ADGRG4: variants seen among roughly 807,000 people sequenced by gnomAD.
ADGRG4 encodes the protein adhesion G protein-coupled receptor G4, also known as G protein-coupled receptor 112.
Under a neutral mutation model 126.2 loss-of-function variants are expected in ADGRG4, and 122 were observed. That is an observed-to-expected ratio of 0.97 (90% confidence interval 0.83 to 1.12). The LOEUF (loss-of-function observed/expected upper bound fraction) is 1.12, where lower values mean the gene tolerates loss of function less well. ADGRG4 is among the 50% of genes most tolerant of loss of function. ADGRG4 has a pLI of 0.00. For missense variants in ADGRG4, 2,481 were observed against 2,251.8 expected, an observed-to-expected ratio of 1.10 and a Z score of -2.06; for synonymous variants, 943 against 838.7, an observed-to-expected ratio of 1.12 and a Z score of -2.15.
intron 15 of ADGRG4, among the ~76,000 whole-genome samples, chrX:136,384,973 G>A (rs1033263914): frequency 9.1e-6 from 1 of 109,776 alleles, no homozygotes. Flanking sequence ...TACTGAATTT[G>A]GGGAAATTTT....
At chrX:136,365,883 T>C (rs962273096) in intron 13 of ADGRG4, among the ~76,000 whole-genome samples, 1 of 112,076 alleles carries the variant, frequency 8.9e-6, no homozygotes, top group Non-Finnish European at 1.9e-5. Flanking sequence ...ATAGACTTTA[T>C]TTTTTAGAGC....
chrX:136,372,399 T>C (rs992668403), intron 14 of ADGRG4, among the ~76,000 whole-genome samples: 1 of 111,601 alleles, frequency 9.0e-6, no homozygotes, highest in African/African-American at 3.3e-5. Context: ...ACCTCCTAAA[T>C]GGTCTCTCTG....
At chrX:136,326,276 T>C (rs185001983) in intron 5 of ADGRG4, among the ~76,000 whole-genome samples, 2 of 112,245 alleles carry the variant, frequency 1.8e-5, no homozygotes, top group African/African-American at 6.5e-5. Flanking sequence ...CAGGGCAGAT[T>C]TTTTTTCAGA....
intron 6 of ADGRG4, 123 bp downstream of exon 6, chrX:136,350,556 T>C: frequency 4.6e-6 from 3 of 655,786 alleles, no homozygotes; most frequent in Non-Finnish European, 6.8e-6. Context: ...AGGTGTTTCT[T>C]GTCTCCTTCA....
At chrX:136,360,433 C>G (rs941686133) in intron 11 of ADGRG4, among the ~76,000 whole-genome samples, 1 of 111,225 alleles carries the variant, frequency 9.0e-6, no homozygotes, top group Admixed American at 9.6e-5. Context: ...TTGCCCTGTC[C>G]CTCAGCAACA....
At chrX:136,374,202 T>TAG in intron 15 of ADGRG4, among the ~76,000 whole-genome samples, 1 of 110,253 alleles carries the variant, frequency 9.1e-6, no homozygotes, top group South Asian at 3.9e-4. Context: ...CAGTAGTTTG[T>TAG]TCCTCCTTTT....
intron 7 of ADGRG4, 137 bp from the exon 8 acceptor site, chrX:136,353,200 A>C: frequency 2.1e-6 from 1 of 485,821 alleles, no homozygotes; most frequent in Non-Finnish European, 3.6e-6. Flanking sequence ...AAATGGAAAA[A>C]CTTAATGGAG....
chrX:136,403,998 T>G (rs1033023762), intron 22 of ADGRG4, among the ~76,000 whole-genome samples: 6 of 111,014 alleles, frequency 5.4e-5, no homozygotes, highest in Admixed American at 2.9e-4. Flanking sequence ...ACAATCTCAT[T>G]TTACACTTCT....
At chrX:136,343,599 A>G (rs2074992828) in intron 5 of ADGRG4, among the ~76,000 whole-genome samples, 1 of 111,489 alleles carries the variant, frequency 9.0e-6, no homozygotes, top group Non-Finnish European at 1.9e-5. Context: ...TGTGATGTGT[A>G]ATGGAAAGCA....
chrX:136,372,110 A>C (rs768638144), intron 14 of ADGRG4, among the ~76,000 whole-genome samples: 16 of 111,208 alleles, frequency 1.4e-4, no homozygotes, highest in African/African-American at 4.9e-4. Flanking sequence ...CAGTTACCCC[A>C]AACCAAACCC....
chrX:136,384,001 C>T (rs188844675), intron 15 of ADGRG4, among the ~76,000 whole-genome samples: 10 of 109,507 alleles, frequency 9.1e-5, no homozygotes, highest in Admixed American at 5.9e-4. Context: ...AAGCGATTCT[C>T]GTGCCTCAGC....
intron 8 of ADGRG4, among the ~76,000 whole-genome samples, chrX:136,354,688 A>C (rs1388906617): frequency 9.0e-6 from 1 of 111,032 alleles, no homozygotes. Flanking sequence ...ACTTCTGACT[A>C]ACTGACTTCA....
chrX:136,352,743 A>T (rs2075070289), intron 7 of ADGRG4, among the ~76,000 whole-genome samples: 1 of 111,806 alleles, frequency 8.9e-6, no homozygotes, highest in Non-Finnish European at 1.9e-5. Flanking sequence ...CCCTGTCAGC[A>T]CTTATTTTCA....
intron 22 of ADGRG4, among the ~76,000 whole-genome samples, chrX:136,404,493 G>A (rs1007586776): frequency 2.7e-5 from 3 of 111,594 alleles, no homozygotes; most frequent in Non-Finnish European, 1.9e-5. Context: ...AAATCCAAAC[G>A]TACAACAGGG....
Position 136,345,775 on chromosome X carries a change from C to T in ADGRG4, c.2069C>T (p.Thr690Ile), listed in dbSNP as rs965303096. The T allele has an allele frequency of 8.3e-7, 1 of 1,209,601 alleles. No homozygotes were observed. Among genetic ancestry groups the T allele is most frequent in the Non-Finnish European group, 1.1e-6 (1 of 893,702 alleles). The change falls in exon 6 of 26, where the codon ACT (threonine) becomes ATT (isoleucine). Residue 690 changes from threonine to isoleucine, a missense_variant. Physicochemically the swap from Thr to Ile is moderately conservative, Grantham distance 89 (BLOSUM62 -1). Coordinates refer to ENST00000394143, the MANE Select transcript of ADGRG4 (RefSeq NM_153834.4). ...ENFTSAFHEN[T>I]TYTEYLSATT... ...TTTACATCAGCATTTCATGAGAATA[C>T]TACTTATACAGAATATTTATCCGCA...
chrX:136,345,730 C>G lies in ADGRG4; in HGVS notation c.2024C>G (p.Thr675Arg), dbSNP rs1409046349. Residue 675 changes from threonine to arginine, a missense_variant, in exon 6 of 26, where the codon ACA becomes AGA. Thr to Arg is a moderately conservative substitution (Grantham distance 71). Transcript: ENST00000394143. ...LASMNTTTIL[T>R]FVPNENFTSA... is the part of the protein sequence containing the mutation. ...TCTATGAACACAACCACCATACTCA[C>G]ATTTGTGCCTAATGAAAATTTTACA... The G allele has an allele frequency of 3.3e-6, 4 of 1,211,484 alleles. No individual in the cohort carries two copies. Among genetic ancestry groups the G allele is most frequent in the Non-Finnish European group, 3.4e-6 (3 of 895,246 alleles).
chrX:136,400,158 T>A (rs772247636), intron 21 of ADGRG4, 42 bp downstream of exon 21: 20 of 1,008,037 alleles, frequency 2.0e-5, no homozygotes, highest in Middle Eastern at 2.8e-4. Flanking sequence ...ATGTCTTAAG[T>A]CTGTCTTTCT....
chrX:136,359,356 A>G lies in ADGRG4; in HGVS notation c.7045A>G (p.Ile2349Val). 2 of 1,207,051 alleles carry G rather than the reference A, an allele frequency of 1.7e-6. No homozygotes were observed. The highest frequency in any genetic ancestry group is 2.2e-6 in the Non-Finnish European group (2 of 891,598). Reference protein sequence around the residue: ...SLASSELMRKIKSKIHGNFTH... With the variant: ...SLASSELMRKVKSKIHGNFTH... Reference sequence around the variant, plus strand: ...AGCATCCTCTGAATTGATGAGAAAAATCAAAAGTAAAATACATGGCAACTT... The same window carrying G: ...AGCATCCTCTGAATTGATGAGAAAAGTCAAAAGTAAAATACATGGCAACTT... The change falls in exon 11 of 26, where the codon ATC (isoleucine) becomes GTC (valine). Residue 2349 changes from isoleucine (I) to valine (V), a missense_variant. By Grantham distance (29) the Ile-to-Val change is conservative (BLOSUM62 3). Coordinates refer to ENST00000394143, the MANE Select transcript of ADGRG4 (RefSeq NM_153834.4).
intron 5 of ADGRG4, among the ~76,000 whole-genome samples, chrX:136,333,684 A>C (rs2074928785): frequency 9.1e-6 from 1 of 109,617 alleles, no homozygotes; most frequent in Non-Finnish European, 1.9e-5. Flanking sequence ...TGCCTGGCTA[A>C]TTTTTGTATT....
Sources: gnomAD v4.1 joint callset for allele counts (sites outside exome capture counted in the v4.1 genomes callset) on GRCh38, gnomAD v4.1.1 for gene constraint, MANE v1.5 for transcripts, NCBI Gene and HGNC (gene_info 2026-07-23, HGNC 2026-07-21) for gene names.